The following PIK3C2G variants were observed in gnomAD, a reference collection of about 807,000 sequenced individuals.
PIK3C2G encodes phosphatidylinositol 3-kinase C2 domain-containing subunit gamma.
PIK3C2G carries 168 observed loss-of-function variants against 181.1 expected under a neutral mutation model. That is an observed-to-expected ratio of 0.93 (90% CI 0.82 to 1.05). The LOEUF is 1.05. Ranked by LOEUF, PIK3C2G falls within the 50% of genes least tolerant of loss-of-function variation. The pLI is 0.00. For synonymous variants in PIK3C2G, 573 were observed against 592.2 expected (o/e 0.97, Z 0.47); for missense variants, 1,869 against 1,732.8 (o/e 1.08, Z -1.40).
At chr12:18,489,111 C>T (rs1320069395) in intron 19 of PIK3C2G, among the ~76,000 whole-genome samples, 2 of 151,864 alleles carry the variant, frequency 1.3e-5, no homozygotes, top group African/African-American at 2.4e-5. Context: ...AAAATATGTG[C>T]CTCTTTCTCA....
the PIK3C2G span, among the ~76,000 whole-genome samples, chr12:18,658,898 T>C: frequency 6.6e-6 from 1 of 152,166 alleles, no homozygotes; most frequent in Non-Finnish European, 1.5e-5. Context: ...CCTGTAAAAA[T>C]GAGATTTTTG....
At chr12:18,494,965 T>C (rs1565447660) in intron 20 of PIK3C2G, among the ~76,000 whole-genome samples, 1 of 152,086 alleles carries the variant, frequency 6.6e-6, no homozygotes, top group Non-Finnish European at 1.5e-5. Context: ...TTTTTCAAAT[T>C]GAAAGTAGAA....
intron 18 of PIK3C2G, among the ~76,000 whole-genome samples, chr12:18,459,457 C>G (rs1476481591): frequency 1.3e-5 from 2 of 152,146 alleles, no homozygotes; most frequent in Non-Finnish European, 2.9e-5. Context: ...ACAGATTTCT[C>G]AAATAAATGT....
intron 18 of PIK3C2G, among the ~76,000 whole-genome samples, chr12:18,436,196 A>C (rs920270343): frequency 7.9e-5 from 12 of 152,072 alleles, no homozygotes; most frequent in African/African-American, 2.9e-4. Flanking sequence ...AGATTGACAC[A>C]ATGGGTCTCA....
the PIK3C2G span, among the ~76,000 whole-genome samples, chr12:18,697,525 T>A: frequency 1.3e-5 from 2 of 152,148 alleles, no homozygotes; most frequent in Non-Finnish European, 1.5e-5. Flanking sequence ...GATTTTGTTA[T>A]TTCTGAGATT....
At chr12:18,323,862 C>G (rs183595851) in intron 7 of PIK3C2G, among the ~76,000 whole-genome samples, 1 of 152,064 alleles carries the variant, frequency 6.6e-6, no homozygotes, top group Non-Finnish European at 1.5e-5. Flanking sequence ...GATACAATAT[C>G]CAAAAACAAA....
Position 18,358,328 on chromosome 12 carries a change from A to G in PIK3C2G, c.1626-4436A>G, listed in dbSNP as rs139624891. 16 of 153,658 alleles carry G rather than the reference A, an allele frequency of 1.0e-4. No homozygotes were observed. The East Asian group carries it at 2.7e-3, about 26-fold the overall frequency. 9.5% of individuals were successfully genotyped at this position (153,658 alleles called of 1,614,324 possible). A position where few individuals can be genotyped will look rare whatever the true frequency, so the allele number is the denominator to read the frequency against. On this transcript the variant is annotated intron_variant, in intron 11 of 32. Coordinates refer to ENST00000538779, the MANE Select transcript of PIK3C2G (RefSeq NM_001288772.2). ...TGCCAGCAAGCTGGGATGCTTACCCATTTAAAATGTAAGGATAGTTTGAGA... is the reference window on the plus strand; with the variant it reads ...TGCCAGCAAGCTGGGATGCTTACCCGTTTAAAATGTAAGGATAGTTTGAGA...
chr12:18,467,892 C>A (rs1335818908), intron 18 of PIK3C2G, among the ~76,000 whole-genome samples: 1 of 151,940 alleles, frequency 6.6e-6, no homozygotes, highest in African/African-American at 2.4e-5. Context: ...TGGAATTGAC[C>A]CTAGGCTCAT....
At chr12:18,582,457 G>A (rs371826868) in intron 29 of PIK3C2G, among the ~76,000 whole-genome samples, 5 of 152,066 alleles carry the variant, frequency 3.3e-5, no homozygotes, top group African/African-American at 9.7e-5. Context: ...GAATCTTGGC[G>A]GAGCGGCCAC....
chr12:18,589,034 TAA>T (rs1164076169), intron 29 of PIK3C2G, among the ~76,000 whole-genome samples: 1 of 152,018 alleles, frequency 6.6e-6, no homozygotes, highest in Admixed American at 6.6e-5. Flanking sequence ...AAGTGGGAGC[TAA>T]ATTATGAGAA....
At chr12:18,664,617 G>C in the PIK3C2G span, among the ~76,000 whole-genome samples, 1 of 151,970 alleles carries the variant, frequency 6.6e-6, no homozygotes, top group African/African-American at 2.4e-5. Context: ...CAGGGATCTA[G>C]AACTAGAAAG....
Position 18,303,411 on chromosome 12 carries a change from C to T in PIK3C2G, c.1034+9396C>T, listed in dbSNP as rs565616096. ...GTGCAGTGGCATGATCTTGGCTCACCGCAACCCCAGCCTCCCAAGTTATAA... is the reference window on the plus strand; with the variant it reads ...GTGCAGTGGCATGATCTTGGCTCACTGCAACCCCAGCCTCCCAAGTTATAA... On this transcript the variant is annotated intron_variant, in intron 5 of 32. Coordinates refer to ENST00000538779, the MANE Select transcript of PIK3C2G (RefSeq NM_001288772.2). Among the ~76,000 whole-genome samples the T allele has an allele frequency of 1.2e-3, 187 of 151,654 alleles. 1 individual carries two copies. Among genetic ancestry groups the T allele is most frequent in the African/African-American group, 4.3e-3 (176 of 41,352 alleles).
At chr12:18,339,641 A>C (rs1462678190) in intron 9 of PIK3C2G, among the ~76,000 whole-genome samples, 2 of 152,178 alleles carry the variant, frequency 1.3e-5, no homozygotes, top group Non-Finnish European at 2.9e-5. Flanking sequence ...CATATTACCA[A>C]ACAGAAATAG....
intron 26 of PIK3C2G, among the ~76,000 whole-genome samples, chr12:18,551,725 G>C (rs79812897): frequency 0.037 from 5,639 of 152,158 alleles, 220 homozygotes; most frequent in African/African-American, 0.099. Context: ...TAGATTAAAG[G>C]CTCTACATGG....
chr12:18,519,627 G>A (rs1265921288), intron 24 of PIK3C2G, among the ~76,000 whole-genome samples: 1 of 152,052 alleles, frequency 6.6e-6, no homozygotes, highest in Admixed American at 6.6e-5. Context: ...TGTGAGATGA[G>A]TCTCCTGAAT....
intron 31 of PIK3C2G, among the ~76,000 whole-genome samples, chr12:18,613,653 C>T (rs1398197548): frequency 6.6e-6 from 1 of 152,072 alleles, no homozygotes; most frequent in Non-Finnish European, 1.5e-5. Flanking sequence ...ACAGGCATCT[C>T]TTGGTCCCAT....
the PIK3C2G span, among the ~76,000 whole-genome samples, chr12:18,677,455 A>G: frequency 6.6e-6 from 1 of 152,094 alleles, no homozygotes; most frequent in South Asian, 2.1e-4. Flanking sequence ...AGGGCTGGTT[A>G]GAAGGCAGAC....
At chr12:18,307,523 A>G (rs1410618210) in intron 5 of PIK3C2G, among the ~76,000 whole-genome samples, 1 of 151,896 alleles carries the variant, frequency 6.6e-6, no homozygotes, top group Non-Finnish European at 1.5e-5. Flanking sequence ...ACAACCTTAA[A>G]TGGATAATTC....
intron 10 of PIK3C2G, among the ~76,000 whole-genome samples, chr12:18,343,594 T>C (rs1384055261): frequency 1.3e-5 from 2 of 152,064 alleles, no homozygotes; most frequent in African/African-American, 2.4e-5. Flanking sequence ...ACTTTTAGCC[T>C]GATATTTTAA....
Sources: gnomAD v4.1 joint callset for allele counts (sites outside exome capture counted in the v4.1 genomes callset) on GRCh38, gnomAD v4.1.1 for gene constraint, MANE v1.5 for transcripts, NCBI Gene and HGNC (gene_info 2026-07-23, HGNC 2026-07-21) for gene names.